Variants in RABGAP1L observed in about 807,000 individuals in gnomAD.
RABGAP1L encodes the protein RAB GTPase activating protein 1 like.
A neutral mutation model predicts 137.7 loss-of-function variants in RABGAP1L; 63 were observed. The ratio of observed to expected loss-of-function variants is 0.46; its 90% CI spans 0.37 to 0.56. The LOEUF (loss-of-function observed/expected upper bound fraction) is 0.56, where lower values mean the gene tolerates loss of function less well. Ranked by LOEUF, RABGAP1L falls within the 20% of genes least tolerant of loss-of-function variation. The pLI is 0.00. For missense variants in RABGAP1L, 1,095 were observed against 1,244.0 expected (o/e 0.88, Z 1.80); for synonymous variants, 431 against 433.7 (o/e 0.99, Z 0.08).
chr1:174,716,084 A>T (rs1680978827), intron 17 of RABGAP1L, among the ~76,000 whole-genome samples: 1 of 152,278 alleles, frequency 6.6e-6, no homozygotes, highest in Non-Finnish European at 1.5e-5. Flanking sequence ...AATACATTGT[A>T]AATGGTATGT....
At chr1:174,194,525 T>A (rs184817486) in intron 1 of RABGAP1L, among the ~76,000 whole-genome samples, 1 of 152,232 alleles carries the variant, frequency 6.6e-6, no homozygotes, top group East Asian at 1.9e-4. Flanking sequence ...TGAGCCACCG[T>A]GCCCGGCCGG....
At chr1:174,696,951 C>T (rs1401852687) in intron 15 of RABGAP1L, among the ~76,000 whole-genome samples, 1 of 152,180 alleles carries the variant, frequency 6.6e-6, no homozygotes, top group African/African-American at 2.4e-5. Flanking sequence ...GGCCATCTAG[C>T]TCTGCCTCCT....
chr1:174,753,618 C>T (rs1412652059), intron 18 of RABGAP1L, among the ~76,000 whole-genome samples: 1 of 152,090 alleles, frequency 6.6e-6, no homozygotes, highest in African/African-American at 2.4e-5. Context: ...AACATATTTG[C>T]TGTGTCCCTT....
chr1:174,653,477 A>G (rs1675717231), intron 14 of RABGAP1L, among the ~76,000 whole-genome samples: 1 of 152,124 alleles, frequency 6.6e-6, no homozygotes, highest in Non-Finnish European at 1.5e-5. Context: ...GAAAAGTGTC[A>G]TATCTGGGCC....
chr1:174,714,254 A>T (rs964955118), intron 17 of RABGAP1L, among the ~76,000 whole-genome samples: 1 of 152,178 alleles, frequency 6.6e-6, no homozygotes, highest in African/African-American at 2.4e-5. Context: ...TCCTCTAAGA[A>T]ATTTTCCCTG....
intron 21 of RABGAP1L, among the ~76,000 whole-genome samples, chr1:174,970,329 C>G (rs922592595): frequency 2.6e-5 from 4 of 152,150 alleles, no homozygotes; most frequent in Admixed American, 2.6e-4. Flanking sequence ...AGTCTTGGTT[C>G]TATGTTAACT....
At chr1:174,788,524 A>G (rs1434817914) in intron 18 of RABGAP1L, among the ~76,000 whole-genome samples, 1 of 152,160 alleles carries the variant, frequency 6.6e-6, no homozygotes, top group Non-Finnish European at 1.5e-5. Context: ...GATTGACTAC[A>G]AGAGCTTTCT....
At chr1:174,686,898 A>T (rs1678514830) in intron 15 of RABGAP1L, among the ~76,000 whole-genome samples, 1 of 151,440 alleles carries the variant, frequency 6.6e-6, no homozygotes, top group Admixed American at 6.6e-5. Context: ...TGACCTGGTG[A>T]TCCTCCCACC....
At position 174,316,938 on chromosome 1, in the gene RABGAP1L, C is replaced by T. The variant is rs373580086; in HGVS notation, c.1465+11811C>T. Among the ~76,000 whole-genome samples, 11 of 152,200 alleles carry T rather than the reference C, an allele frequency of 7.2e-5. No individual in the cohort carries two copies. In the South Asian group the frequency reaches 8.3e-4, roughly 11 times the overall value. On this transcript the variant is annotated intron_variant, in intron 11 of 25. Coordinates refer to ENST00000681986, the MANE Select transcript of RABGAP1L (RefSeq NM_001366446.1). ...CCATAACTACCACCCACCCAGGCTA[C>T]GAGGAGTACTGCCAGACTACCATAA...
intron 17 of RABGAP1L, among the ~76,000 whole-genome samples, chr1:174,735,020 T>G (rs1405145188): frequency 2.0e-5 from 3 of 149,160 alleles, no homozygotes; most frequent in East Asian, 2.0e-4. Context: ...TGGAGTACAG[T>G]GGCACAATCA....
At chr1:174,938,848 A>G (rs539175366) in intron 19 of RABGAP1L, among the ~76,000 whole-genome samples, 3 of 152,334 alleles carry the variant, frequency 2.0e-5, no homozygotes, top group Admixed American at 6.5e-5. Context: ...GTGAGGGTTG[A>G]AATACACATT....
chr1:174,708,365 T>C (rs917088722), intron 17 of RABGAP1L, among the ~76,000 whole-genome samples: 2 of 151,992 alleles, frequency 1.3e-5, no homozygotes, highest in African/African-American at 4.8e-5. Flanking sequence ...GATGGCCAAA[T>C]AGGAAGAGCT....
intron 11 of RABGAP1L, among the ~76,000 whole-genome samples, chr1:174,327,960 TATATATATATATATATATACACACAC>T (rs1181685010): frequency 4.1e-4 from 5 of 12,232 alleles, no homozygotes; most frequent in African/African-American, 1.9e-3. Context: ...GTTGTAAATA[TATATATATATATATATATACACACAC>T]ATATATATAT....
intron 13 of RABGAP1L, among the ~76,000 whole-genome samples, chr1:174,510,173 T>G (rs188113106): frequency 1.9e-4 from 29 of 152,326 alleles, no homozygotes; most frequent in Non-Finnish European, 3.5e-4. Context: ...GTTTAGCTCT[T>G]TAGCCTCCTT....
At chr1:174,577,395 A>C (rs777843517) in intron 13 of RABGAP1L, among the ~76,000 whole-genome samples, 20 of 151,870 alleles carry the variant, frequency 1.3e-4, no homozygotes, top group Non-Finnish European at 7.4e-5. Context: ...TTGGTCCCTA[A>C]GTGTACAACT....
chr1:174,713,778 C>A (rs2148565475), intron 17 of RABGAP1L, among the ~76,000 whole-genome samples: 1 of 152,346 alleles, frequency 6.6e-6, no homozygotes, highest in East Asian at 1.9e-4. Context: ...CAGACTAACA[C>A]ACACTCACTA....
At chr1:174,176,713 G>GGAAAAAAAAAA (rs1232596038) in intron 1 of RABGAP1L, among the ~76,000 whole-genome samples, 5 of 21,548 alleles carry the variant, frequency 2.3e-4, no homozygotes, top group African/African-American at 5.8e-4. Context: ...CCCTTTTTCA[G>GGAAAAAAAAAA]AAAAAAAAAA....
chr1:174,628,553 G>T (rs1165541973), intron 13 of RABGAP1L, among the ~76,000 whole-genome samples: 1 of 152,072 alleles, frequency 6.6e-6, no homozygotes, highest in Non-Finnish European at 1.5e-5. Flanking sequence ...TTATGCATTT[G>T]ATATTATCAT....
chr1:174,482,481 T>C (rs1170976362), intron 13 of RABGAP1L, among the ~76,000 whole-genome samples: 3 of 152,188 alleles, frequency 2.0e-5, no homozygotes, highest in African/African-American at 7.2e-5. Context: ...GATATATTGA[T>C]TTATTCTTCT....
Sources: allele counts gnomAD v4.1 joint callset (sites outside exome capture counted in the v4.1 genomes callset), GRCh38; gene constraint gnomAD v4.1.1; transcripts MANE v1.5; gene names NCBI Gene and HGNC (gene_info 2026-07-23, HGNC 2026-07-21).